DNM3: variants seen among roughly 807,000 people sequenced by gnomAD.
DNM3 encodes dynamin 3, also known as dynamin-3.
Under a neutral mutation model 101.6 loss-of-function variants are expected in DNM3, and 47 were observed. That is an observed-to-expected ratio of 0.46 (90% CI 0.37 to 0.59). DNM3 has a LOEUF of 0.59. DNM3 is among the 20% of genes least tolerant of loss of function. The probability of loss-of-function intolerance (pLI) is 0.00; values close to 1 mark genes in which losing one functional copy is unlikely to be tolerated. For missense variants in DNM3, 849 were observed against 1,085.7 expected, an observed-to-expected ratio of 0.78 and a Z score of 3.06; for synonymous variants, 385 against 387.9, an observed-to-expected ratio of 0.99 and a Z score of 0.09.
chr1:172,152,973 A>G (rs963308311), intron 14 of DNM3, among the ~76,000 whole-genome samples: 6 of 152,190 alleles, frequency 3.9e-5, no homozygotes, highest in Non-Finnish European at 8.8e-5. Flanking sequence ...CCCAGAGCAG[A>G]AACTGTTTGG....
intron 14 of DNM3, among the ~76,000 whole-genome samples, chr1:172,241,852 G>A (rs149948304): frequency 1.4e-4 from 22 of 152,274 alleles, no homozygotes; most frequent in Non-Finnish European, 2.8e-4. Flanking sequence ...TTGGCAGAAA[G>A]TATATCTCAT....
chr1:172,108,627 T>C (rs971463739), intron 13 of DNM3, among the ~76,000 whole-genome samples: 2 of 152,238 alleles, frequency 1.3e-5, no homozygotes, highest in African/African-American at 2.4e-5. Context: ...AAAGTTACTA[T>C]GAAATTTCTT....
intron 14 of DNM3, among the ~76,000 whole-genome samples, chr1:172,194,292 A>G (rs1327081916): frequency 1.3e-5 from 2 of 152,106 alleles, no homozygotes; most frequent in African/African-American, 2.4e-5. Context: ...TATGTGGTCA[A>G]TTTTGGAATA....
intron 15 of DNM3, among the ~76,000 whole-genome samples, chr1:172,302,568 C>G (rs551428229): frequency 2.0e-5 from 3 of 152,230 alleles, no homozygotes; most frequent in Admixed American, 6.5e-5. Context: ...ACTGCCTCCT[C>G]AAGTGGGTCC....
rs116403223 is a variant in DNM3, at chr1:172,334,276, A to C, written c.1893+10936A>C. 4.8e-3 allele frequency among the ~76,000 whole-genome samples: 726 copies of C among 152,298 alleles called. 7 individuals are homozygous for C. The highest frequency in any genetic ancestry group is 0.017 in the African/African-American group (690 of 41,570). ...ATCATAAATTGGAGACTGTCTATAT[A>C]TTGTTTCCACATAGACCAGTGATTC... On this transcript the variant is annotated intron_variant, in intron 17 of 20. Transcript: ENST00000627582.
chr1:171,994,170 A>C (rs1484612333), intron 4 of DNM3, among the ~76,000 whole-genome samples: 1 of 152,014 alleles, frequency 6.6e-6, no homozygotes, highest in Non-Finnish European at 1.5e-5. Flanking sequence ...GCATATCTTA[A>C]AATTTTTTTG....
intron 4 of DNM3, among the ~76,000 whole-genome samples, chr1:172,013,772 A>G (rs761611704): frequency 6.6e-6 from 1 of 152,118 alleles, no homozygotes; most frequent in Non-Finnish European, 1.5e-5. Context: ...GTGAAGAAGT[A>G]AAAGTCATTG....
downstream of DNM3, among the ~76,000 whole-genome samples, chr1:172,413,328 G>C (rs922863019): frequency 6.6e-6 from 1 of 152,102 alleles, no homozygotes; most frequent in Non-Finnish European, 1.5e-5. Context: ...CCGGGTTCAC[G>C]CCATTCTCCT....
chr1:172,285,626 T>A (rs1401840559), intron 15 of DNM3, among the ~76,000 whole-genome samples: 1 of 152,182 alleles, frequency 6.6e-6, no homozygotes, highest in African/African-American at 2.4e-5. Flanking sequence ...ATATAAAACT[T>A]TTCAAAATCA....
chr1:172,133,916 A>G (rs1005909025), intron 14 of DNM3, among the ~76,000 whole-genome samples: 7 of 152,160 alleles, frequency 4.6e-5, no homozygotes, highest in East Asian at 1.9e-4. Context: ...TCCCTACCCA[A>G]TGGTTTGGAT....
At chr1:172,174,794 G>A (rs1461589117) in intron 14 of DNM3, among the ~76,000 whole-genome samples, 1 of 151,520 alleles carries the variant, frequency 6.6e-6, no homozygotes, top group East Asian at 1.9e-4. Flanking sequence ...TGCTGTTTCA[G>A]GTTTACTCTC....
chr1:172,222,357 A>G (rs931915290), intron 14 of DNM3, among the ~76,000 whole-genome samples: 2 of 152,184 alleles, frequency 1.3e-5, no homozygotes, highest in African/African-American at 2.4e-5. Flanking sequence ...AAAGTTGCCT[A>G]ATATCAAAAA....
intron 14 of DNM3, among the ~76,000 whole-genome samples, chr1:172,235,526 G>T (rs2061505395): frequency 6.6e-6 from 1 of 152,114 alleles, no homozygotes; most frequent in South Asian, 2.1e-4. Flanking sequence ...AAGTCATGCT[G>T]CTGTAAAGAC....
At chr1:172,168,046 A>G (rs1388285489) in intron 14 of DNM3, among the ~76,000 whole-genome samples, 1 of 151,894 alleles carries the variant, frequency 6.6e-6, no homozygotes, top group Non-Finnish European at 1.5e-5. Flanking sequence ...GAGTAATTAT[A>G]CTCTTTAGCA....
intron 13 of DNM3, among the ~76,000 whole-genome samples, chr1:172,120,511 G>T (rs1386374375): frequency 6.6e-6 from 1 of 152,116 alleles, no homozygotes; most frequent in Non-Finnish European, 1.5e-5. Context: ...TCAGGATAAG[G>T]ACCAAATTTC....
chr1:171,944,970 C>T lies in DNM3; in HGVS notation c.235+23149C>T, dbSNP rs1006445591. Reference sequence around the variant, plus strand: ...CCTTGACCTTCTGGGCTCAGGTGATCCTCCTGCTTCAGCCTCCCAAGTAGC... The same window carrying T: ...CCTTGACCTTCTGGGCTCAGGTGATTCTCCTGCTTCAGCCTCCCAAGTAGC... On this transcript the variant is annotated intron_variant, in intron 2 of 20. Transcript: ENST00000627582. Among the ~76,000 whole-genome samples the T allele has an allele frequency of 4.9e-5, 7 of 142,896 alleles. 1 individual carries two copies. The Admixed American group carries it at 5.1e-4, about 10-fold the overall frequency. 93.7% of individuals were successfully genotyped at this position (142,896 alleles called of 152,430 possible). A position where few individuals can be genotyped will look rare whatever the true frequency, so the allele number is the denominator to read the frequency against.
At chr1:171,971,696 A>G (rs1343297911) in intron 2 of DNM3, among the ~76,000 whole-genome samples, 3 of 152,180 alleles carry the variant, frequency 2.0e-5, no homozygotes, top group African/African-American at 7.2e-5. Context: ...TGTGTAATTG[A>G]AGGCTTGCTA....
chr1:171,991,333 A>G (rs2045617079), intron 4 of DNM3, among the ~76,000 whole-genome samples: 1 of 152,148 alleles, frequency 6.6e-6, no homozygotes, highest in Non-Finnish European at 1.5e-5. Flanking sequence ...TACAAGATCC[A>G]GGTTGTTTAC....
At chr1:172,073,224 TA>T (rs1434339401) in intron 11 of DNM3, among the ~76,000 whole-genome samples, 2 of 152,064 alleles carry the variant, frequency 1.3e-5, no homozygotes, top group East Asian at 3.9e-4. Flanking sequence ...TATGTATGTA[TA>T]TATGTGTGTA....
Sources: gnomAD v4.1 joint callset for allele counts (sites outside exome capture counted in the v4.1 genomes callset) on GRCh38, gnomAD v4.1.1 for gene constraint, MANE v1.5 for transcripts, NCBI Gene and HGNC (gene_info 2026-07-23, HGNC 2026-07-21) for gene names.